PDGFRL: variants seen among roughly 807,000 people sequenced by gnomAD.
The protein encoded by PDGFRL is platelet derived growth factor receptor like.
PDGFRL carries 46 observed loss-of-function variants against 37.2 expected under a neutral mutation model. The ratio of observed to expected loss-of-function variants is 1.24; its 90% CI spans 0.98 to 1.58. The LOEUF (loss-of-function observed/expected upper bound fraction) is 1.58, where lower values mean the gene tolerates loss of function less well. PDGFRL is among the 40% of genes most tolerant of loss of function. The pLI is 0.00. For missense variants in PDGFRL, 692 were observed against 467.6 expected (o/e 1.48, Z -4.43); for synonymous variants, 251 against 184.3 (o/e 1.36, Z -2.93).
intron 2 of PDGFRL, among the ~76,000 whole-genome samples, chr8:17,609,394 T>C (rs11787510): frequency 0.17 from 26,094 of 151,094 alleles, 2,392 homozygotes; most frequent in South Asian, 0.35. Flanking sequence ...GTAGTCCCAG[T>C]TACTTGGGAG....
rs1585304131 is a variant in PDGFRL, at chr8:17,593,249, A to G, written c.353+3484A>G. On this transcript the variant is annotated intron_variant, in intron 2 of 5. Transcript: ENST00000251630. The stretch of plus-strand genomic sequence containing the variant: ...AAGAAATCTGGAAAGGCTTACCACT[A>G]TATATATTTATGTACAGTAAAAAAC... Among the ~76,000 whole-genome samples the G allele has an allele frequency of 2.0e-5, 3 of 152,042 alleles. No homozygotes were observed. In the South Asian group the frequency reaches 6.2e-4, roughly 32 times the overall value.
At chr8:17,633,998 A>C in intron 4 of PDGFRL, 76 bp from the exon 5 acceptor site, 9 of 1,394,334 alleles carry the variant, frequency 6.5e-6, no homozygotes, top group Non-Finnish European at 9.2e-6. Flanking sequence ...CTCTCCATGG[A>C]AAAGAATGCA....
chr8:17,627,989 C>CTTTTTTTTTTT (rs35707610), intron 3 of PDGFRL, among the ~76,000 whole-genome samples: 1 of 89,250 alleles, frequency 1.1e-5, no homozygotes, highest in Non-Finnish European at 2.0e-5. Flanking sequence ...TTCTTTCTTT[C>CTTTTTTTTTTT]TTTTTTTTTT....
chr8:17,577,845 C>T lies in PDGFRL; in HGVS notation c.55+538C>T, dbSNP rs1028979410. Among the ~76,000 whole-genome samples the T allele has an allele frequency of 4.6e-5, 7 of 151,646 alleles. No homozygotes were observed. The East Asian group carries it at 7.9e-4, about 17-fold the overall frequency. On this transcript the variant is annotated intron_variant, in intron 1 of 5. Transcript: ENST00000251630. ...TGCAAGATCTGCCTAGATCTTCGAA[C>T]AAAAATGTCAGTGTATGAAACTTCA...
intron 1 of PDGFRL, 110 bp from the exon 2 acceptor site, chr8:17,589,358 C>A: frequency 1.3e-6 from 1 of 790,058 alleles, no homozygotes; most frequent in Non-Finnish European, 2.1e-6. Context: ...TGCCCTCCAA[C>A]CTGGGCAATA....
intron 4 of PDGFRL, 30 bp downstream of exon 4, chr8:17,628,810 A>G (rs1271019819): frequency 2.0e-6 from 3 of 1,535,320 alleles, no homozygotes; most frequent in African/African-American, 2.7e-5. Flanking sequence ...CCTAGATTCT[A>G]GTTAGTCCCC....
At chr8:17,628,405 G>C in intron 3 of PDGFRL, 82 bp from the exon 4 acceptor site, 2 of 1,040,118 alleles carry the variant, frequency 1.9e-6, no homozygotes, top group South Asian at 1.4e-5. Context: ...TCAGTATTCA[G>C]AGTATGCTGC....
chr8:17,586,657 A>G (rs2150810511), intron 1 of PDGFRL, among the ~76,000 whole-genome samples: 1 of 149,544 alleles, frequency 6.7e-6, no homozygotes, highest in Admixed American at 6.6e-5. Context: ...AAAAACAAAT[A>G]GCACTTAGCT....
At chr8:17,630,996 G>T (rs561007078) in intron 4 of PDGFRL, among the ~76,000 whole-genome samples, 2 of 152,158 alleles carry the variant, frequency 1.3e-5, no homozygotes, top group South Asian at 4.1e-4. Flanking sequence ...CAGAGCACGT[G>T]GCCACCAGAA....
intron 3 of PDGFRL, among the ~76,000 whole-genome samples, chr8:17,624,633 G>A (rs1804697093): frequency 6.6e-6 from 1 of 152,194 alleles, no homozygotes; most frequent in East Asian, 1.9e-4. Context: ...CTGGCTGGGT[G>A]CAGTGGCTCA....
At chr8:17,603,614 C>T (rs1364345896) in intron 2 of PDGFRL, among the ~76,000 whole-genome samples, 1 of 152,110 alleles carries the variant, frequency 6.6e-6, no homozygotes, top group Non-Finnish European at 1.5e-5. Flanking sequence ...ACTCCTCTGC[C>T]CTGTTCCTTT....
chr8:17,588,155 AC>A (rs1803856438), intron 1 of PDGFRL, among the ~76,000 whole-genome samples: 1 of 35,922 alleles, frequency 2.8e-5, no homozygotes, highest in Non-Finnish European at 1.3e-4. Context: ...GCAACTCTCA[AC>A]AATGTTGGTG....
intron 2 of PDGFRL, among the ~76,000 whole-genome samples, chr8:17,607,605 T>C (rs1804310278): frequency 1.3e-5 from 2 of 152,184 alleles, no homozygotes; most frequent in Admixed American, 1.3e-4. Flanking sequence ...TTTTGGGGCA[T>C]CTTGCAAGAT....
intron 3 of PDGFRL, among the ~76,000 whole-genome samples, chr8:17,622,361 T>C (rs988530092): frequency 6.6e-6 from 1 of 152,158 alleles, no homozygotes; most frequent in African/African-American, 2.4e-5. Flanking sequence ...GCAGGGACTT[T>C]CATGAAATTT....
chr8:17,634,718 ACAGAAAAC>A (rs1804934782), intron 5 of PDGFRL, among the ~76,000 whole-genome samples: 1 of 152,168 alleles, frequency 6.6e-6, no homozygotes, highest in Admixed American at 6.5e-5. Flanking sequence ...TAACACAGAA[ACAGAAAAC>A]CAAATACCTC....
chr8:17,576,627 C>G (rs1803585815), upstream of PDGFRL: 2 of 689,972 alleles, frequency 2.9e-6, no homozygotes, highest in African/African-American at 1.9e-5. Context: ...GTTGTCTGCA[C>G]AGTCTCATTT....
intron 1 of PDGFRL, 25 bp downstream of exon 1, chr8:17,577,332 A>G (rs1156297149): frequency 1.3e-6 from 2 of 1,598,310 alleles, no homozygotes; most frequent in South Asian, 1.1e-5. Context: ...GCGCGGGGCC[A>G]CCTAGCTTGT....
At chr8:17,593,343 G>A (rs1209013397) in intron 2 of PDGFRL, among the ~76,000 whole-genome samples, 1 of 152,004 alleles carries the variant, frequency 6.6e-6, no homozygotes, top group Non-Finnish European at 1.5e-5. Context: ...TGTAATCCCA[G>A]CACTTTGGGA....
In PDGFRL at chr8:17,606,376, G is replaced by C. The variant is rs141132377; in HGVS notation, c.354-14675G>C. ...TGAGCAGAACAAATGAAGATGAGGA[G>C]GCTCTCACTTTGCCTTCATTCTTAT... is the stretch of plus-strand genomic sequence containing the variant. On this transcript the variant is annotated intron_variant, in intron 2 of 5. Transcript: ENST00000251630. Among the ~76,000 whole-genome samples, 649 of 152,164 alleles carry C rather than the reference G, an allele frequency of 4.3e-3. 2 individuals are homozygous for C. Among genetic ancestry groups the C allele is most frequent in the African/African-American group, 0.014 (600 of 41,508 alleles).
Sources: allele counts gnomAD v4.1 joint callset (sites outside exome capture counted in the v4.1 genomes callset), GRCh38; gene constraint gnomAD v4.1.1; transcripts MANE v1.5; gene names NCBI Gene and HGNC (gene_info 2026-07-23, HGNC 2026-07-21).